Variants in RIC1 observed in about 807,000 individuals in gnomAD.
RIC1 encodes the protein guanine nucleotide exchange factor subunit RIC1.
In RIC1, 88 loss-of-function variants were observed where a neutral mutation model predicts 169.0. The observed-to-expected ratio is 0.52, with a 90% CI of 0.44 to 0.62. RIC1 has a LOEUF of 0.62. RIC1 is among the 20% of genes least tolerant of loss of function. The pLI is 0.00. For synonymous variants in RIC1, 790 were observed against 601.5 expected (o/e 1.31, Z -4.59); for missense variants, 1,877 against 1,725.5 (o/e 1.09, Z -1.56).
intron 12 of RIC1, among the ~76,000 whole-genome samples, chr9:5,750,666 A>T (rs1040100999): frequency 6.6e-6 from 1 of 151,862 alleles, no homozygotes; most frequent in African/African-American, 2.4e-5. Context: ...AGAGAAACTG[A>T]AACATTCTAA....
rs745998675 is a variant in RIC1, at chr9:5,763,587, T to C, written c.2560T>C (p.Leu854=). The change falls in exon 19 of 26, where the codon TTA becomes CTA. Residue 854 remains leucine, a synonymous_variant. Transcript: ENST00000414202. This position sits in a 1 kb window ranked among gnomAD's most constrained non-coding sequence, Gnocchi z 5.2. The stretch of plus-strand genomic sequence containing the variant: ...GCTCTTGGCCCAGTCCTGTGCCACA[T>C]TACCTTACTTCCCTCATGTGCTGGA... ...ALLLAQSCAT[L]PYFPHVLELM... 6.2e-7 allele frequency: 1 copy of C among 1,614,172 alleles called. No individual in the cohort carries two copies. Among genetic ancestry groups the C allele is most frequent in the Non-Finnish European group, 8.5e-7 (1 of 1,180,018 alleles).
chr9:5,742,518 A>G (rs913439669), intron 8 of RIC1, among the ~76,000 whole-genome samples: 1 of 152,000 alleles, frequency 6.6e-6, no homozygotes, highest in African/African-American at 2.4e-5. Flanking sequence ...GTTTTTTTCT[A>G]AAGACAGCTT....
At chr9:5,731,502 T>G (rs769060075) in intron 6 of RIC1, among the ~76,000 whole-genome samples, 8 of 152,160 alleles carry the variant, frequency 5.3e-5, no homozygotes, top group Non-Finnish European at 1.0e-4. Flanking sequence ...TGTTTACTAT[T>G]AGGATCATCC....
At chr9:5,648,236 G>C (rs1257725640) in intron 1 of RIC1, among the ~76,000 whole-genome samples, 2 of 152,034 alleles carry the variant, frequency 1.3e-5, no homozygotes, top group African/African-American at 4.8e-5. Flanking sequence ...CACCTGTCTC[G>C]GCCTCCTGAA....
intron 1 of RIC1, among the ~76,000 whole-genome samples, chr9:5,652,033 A>G (rs901653319): frequency 4.6e-5 from 7 of 152,206 alleles, no homozygotes; most frequent in African/African-American, 1.7e-4. Flanking sequence ...CTGTAAAAGC[A>G]TGGATTTATT....
Position 5,742,987 on chromosome 9 carries a change from G to C in RIC1, c.1020G>C (p.Leu340=), listed in dbSNP as rs1330612868. 5 of 1,612,250 alleles carry C rather than the reference G, an allele frequency of 3.1e-6. No individual in the cohort carries two copies. The highest frequency in any genetic ancestry group is 3.3e-5 in the Admixed American group (2 of 59,774). ...TATGGAGTGTTTTTGGAGCACAGCT[G>C]ATTTGTACACTTGGAGGAGATTTTG... The part of the protein sequence containing the change: ...LSLWSVFGAQ[L]ICTLGGDFAY... The change falls in exon 9 of 26, where the codon CTG becomes CTC. Residue 340 remains leucine (L), a synonymous_variant. Transcript: ENST00000414202.
In RIC1 at chr9:5,743,687, A is replaced by T; in HGVS notation, c.1047-2A>T. On this transcript the variant is annotated splice_acceptor_variant, in intron 9 of 25. Transcript: ENST00000414202. LOFTEE classifies it high-confidence loss of function. Reference sequence around the variant, plus strand: ...TTATATTTAGTTTCTGTTCTGTTTCAGTTATAGGTCTGATGGCACCAAAAA... The same window carrying T: ...TTATATTTAGTTTCTGTTCTGTTTCTGTTATAGGTCTGATGGCACCAAAAA... The T allele has an allele frequency of 6.2e-7, 1 of 1,602,324 alleles. No homozygotes were observed. The highest frequency in any genetic ancestry group is 8.5e-7 in the Non-Finnish European group (1 of 1,171,090).
chr9:5,675,026 C>G (rs1361891560), intron 2 of RIC1, among the ~76,000 whole-genome samples: 1 of 152,198 alleles, frequency 6.6e-6, no homozygotes, highest in East Asian at 1.9e-4. Flanking sequence ...CAGTGTACTT[C>G]TATAGAGGGG....
intron 6 of RIC1, among the ~76,000 whole-genome samples, chr9:5,724,351 T>C (rs963256698): frequency 8.5e-5 from 13 of 152,114 alleles, no homozygotes; most frequent in South Asian, 4.1e-4. Flanking sequence ...CATGATTTGG[T>C]TCTGTGTTTG....
intron 15 of RIC1, among the ~76,000 whole-genome samples, chr9:5,755,240 T>G (rs545497046): frequency 3.3e-5 from 5 of 152,254 alleles, no homozygotes; most frequent in South Asian, 2.1e-4. Context: ...TCCTCAGAGA[T>G]AGATTTATTT....
intron 1 of RIC1, among the ~76,000 whole-genome samples, chr9:5,635,018 GTCTCAC>G (rs1478126691): frequency 6.6e-6 from 1 of 152,034 alleles, no homozygotes; most frequent in Non-Finnish European, 1.5e-5. Flanking sequence ...TTGAGACAGG[GTCTCAC>G]TCTGTCACTC....
In RIC1 at chr9:5,763,531, T is replaced by C; in HGVS notation, c.2504T>C (p.Leu835Pro). 1 of 1,614,188 alleles carries C rather than the reference T, an allele frequency of 6.2e-7. No individual in the cohort carries two copies. Among genetic ancestry groups the C allele is most frequent in the Non-Finnish European group, 8.5e-7 (1 of 1,180,026 alleles). ...TACCTCCACCACATTCTACGTCAAC[T>C]TCTGGTCAGAAACCTTGGGGAGCAA... is the stretch of plus-strand genomic sequence containing the variant. ...QIYLHHILRQ[L>P]LVRNLGEQAL... is the part of the protein sequence containing the mutation. The change falls in exon 19 of 26, where the codon CTT becomes CCT. Residue 835 changes from leucine (L) to proline (P), a missense_variant. Transcript: ENST00000414202. This position sits in a 1 kb window ranked among gnomAD's most constrained non-coding sequence, Gnocchi z 5.2.
chr9:5,770,252 C>G lies in RIC1; in HGVS notation c.3590C>G (p.Ala1197Gly), dbSNP rs776788190. The change falls in exon 23 of 26, where the codon GCC becomes GGC. Residue 1197 changes from alanine (A) to glycine (G), a missense_variant. By Grantham distance (60) the Ala-to-Gly change is moderately conservative (BLOSUM62 0). Transcript: ENST00000414202. ...TCCCATGGACCACAAATGCAAGATG[C>G]CTTCTTGTCACCTTTATCTAATAAA... The part of the protein sequence containing the change: ...ASSHGPQMQD[A>G]FLSPLSNKGD... 6 of 1,613,036 alleles carry G rather than the reference C, an allele frequency of 3.7e-6. No homozygotes were observed.
At chr9:5,695,482 T>C (rs1256956898) in intron 3 of RIC1, among the ~76,000 whole-genome samples, 2 of 152,128 alleles carry the variant, frequency 1.3e-5, no homozygotes, top group African/African-American at 4.8e-5. Flanking sequence ...TATTCTACCT[T>C]GTATGTCATT....
chr9:5,644,550 G>C (rs776697383), intron 1 of RIC1, among the ~76,000 whole-genome samples: 3 of 152,114 alleles, frequency 2.0e-5, no homozygotes, highest in Non-Finnish European at 4.4e-5. Context: ...ATCCTTCTGA[G>C]TCTGGTATCT....
At chr9:5,740,766 T>C (rs1478254415) in intron 8 of RIC1, among the ~76,000 whole-genome samples, 1 of 152,030 alleles carries the variant, frequency 6.6e-6, no homozygotes, top group Non-Finnish European at 1.5e-5. Flanking sequence ...GCCCACTGAC[T>C]CAAATGTTAA....
At chr9:5,632,476 C>G (rs1406863728) in intron 1 of RIC1, among the ~76,000 whole-genome samples, 1 of 152,062 alleles carries the variant, frequency 6.6e-6, no homozygotes, top group Non-Finnish European at 1.5e-5. Context: ...TTTCCTACCC[C>G]AAATTTGAGA....
intron 3 of RIC1, among the ~76,000 whole-genome samples, chr9:5,692,737 A>T (rs905710426): frequency 2.0e-5 from 3 of 152,074 alleles, no homozygotes; most frequent in African/African-American, 7.2e-5. Context: ...TTAAAACCTG[A>T]AAAATAGTGG....
At chr9:5,732,840 G>A (rs981800155) in intron 7 of RIC1, among the ~76,000 whole-genome samples, 11 of 152,026 alleles carry the variant, frequency 7.2e-5, no homozygotes, top group African/African-American at 1.2e-4. Context: ...CATTCATGAC[G>A]CCTTCAAATT....
Sources: gnomAD v4.1 joint callset for allele counts (sites outside exome capture counted in the v4.1 genomes callset) on GRCh38, gnomAD v4.1.1 for gene constraint, Gnocchi (gnomAD v3.1) non-coding constraint, MANE v1.5 for transcripts, NCBI Gene and HGNC (gene_info 2026-07-23, HGNC 2026-07-21) for gene names.